SRRM1: variants seen among roughly 807,000 people sequenced by gnomAD.
The protein encoded by SRRM1 is serine and arginine repetitive matrix 1, also known as serine/arginine repetitive matrix protein 1.
SRRM1 carries 19 observed loss-of-function variants against 110.2 expected under a neutral mutation model. That is an observed-to-expected ratio of 0.17 (90% CI 0.12 to 0.25). The LOEUF (loss-of-function observed/expected upper bound fraction) is 0.25. Among genes scored for constraint, SRRM1 ranks in the 10% least tolerant of loss-of-function variants. The probability of loss-of-function intolerance (pLI) is 1.00; values close to 1 mark genes in which losing one functional copy is unlikely to be tolerated. For synonymous variants in SRRM1, 443 were observed against 414.9 expected (o/e 1.07, Z -0.82); for missense variants, 918 against 1,145.8 (o/e 0.80, Z 2.87).
In SRRM1 at chr1:24,670,167, G is replaced by C. The variant is rs201082864; in HGVS notation, c.2252G>C (p.Arg751Pro). ...TCTGTAAGAAGGGTCTCATCCTCCC[G>C]ATCTGTCTCCGGGTCTCCTGAGCCA... ...PQSVRRVSSS[R>P]SVSGSPEPAA... Residue 751 changes from arginine (R) to proline (P), a missense_variant, in exon 15 of 17, where the codon CGA becomes CCA. Physicochemically the swap from Arg to Pro is moderately radical, Grantham distance 103. Transcript: ENST00000323848. 2.9e-5 allele frequency: 47 copies of C among 1,612,764 alleles called. No individual in the cohort carries two copies. The South Asian group carries it at 3.3e-4, about 11-fold the overall frequency.
At chr1:24,651,276 G>A (rs1660508051) in intron 5 of SRRM1, 133 bp from the exon 6 acceptor site, 2 of 707,828 alleles carry the variant, frequency 2.8e-6, no homozygotes, top group Non-Finnish European at 4.7e-6. Flanking sequence ...AGGTTAGCAT[G>A]TCTTATTTCC....
At chr1:24,657,088 C>A (rs1490328503) in intron 9 of SRRM1, among the ~76,000 whole-genome samples, 5 of 152,128 alleles carry the variant, frequency 3.3e-5, no homozygotes, top group African/African-American at 4.8e-5. Flanking sequence ...TCCCCACCAC[C>A]CCGCTAAATA....
rs1659718370 is a variant in SRRM1, at chr1:24,650,027, A to G, written c.462A>G (p.Arg154=). ...AGCAAGATGAAGACAAAGATAAAAG[A>G]GATAAGGAAGAAAAAGAAAGCAGCA... ...MKKQDEDKDK[R]DKEEKESSRE... The change falls in exon 5 of 17, where the codon AGA becomes AGG. Residue 154 remains arginine (R), a synonymous_variant. Coordinates refer to ENST00000323848, the MANE Select transcript of SRRM1 (RefSeq NM_005839.4). 2 of 1,598,966 alleles carry G rather than the reference A, an allele frequency of 1.3e-6. No individual in the cohort carries two copies. The highest frequency in any genetic ancestry group is 2.2e-5 in the East Asian group (1 of 44,662).
chr1:24,660,675 C>G lies in SRRM1; in HGVS notation c.1316-44C>G, dbSNP rs771356367. 3 of 1,122,374 alleles carry G rather than the reference C, an allele frequency of 2.7e-6. No individual in the cohort carries two copies. The Admixed American group carries it at 7.4e-5, about 28-fold the overall frequency. 69.5% of individuals were successfully genotyped at this position (1,122,374 alleles called of 1,614,324 possible). ...TAAAAGAAAAGCATCTTGTATAGAC[C>G]TTTTTTTGTACGTAAGCTTTTTTCC... On this transcript the variant is annotated intron_variant, in intron 9 of 16. Transcript: ENST00000323848.
Position 24,652,895 on chromosome 1 carries a change from T to C in SRRM1, c.921-18T>C. The C allele has an allele frequency of 6.2e-7, 1 of 1,611,456 alleles. No homozygotes were observed. The highest frequency in any genetic ancestry group is 8.5e-7 in the Non-Finnish European group (1 of 1,179,008). ...CACTCCTGGTTTATTCAGGACCTAA[T>C]TCTCTTTGTTATGGCAGATCGTATT... On this transcript the variant is annotated intron_variant, in intron 7 of 16. Transcript: ENST00000323848.
intron 9 of SRRM1, among the ~76,000 whole-genome samples, chr1:24,657,289 G>C (rs1664669710): frequency 6.6e-6 from 1 of 152,168 alleles, no homozygotes; most frequent in Non-Finnish European, 1.5e-5. Flanking sequence ...TTGTCATCAA[G>C]AAACAGATTT....
intron 6 of SRRM1, among the ~76,000 whole-genome samples, chr1:24,652,062 A>ATATATATATATG (rs1661229576): frequency 7.5e-6 from 1 of 132,452 alleles, no homozygotes; most frequent in Non-Finnish European, 1.6e-5. Context: ...ATATATATAT[A>ATATATATATATG]TGTACACACA....
At position 24,671,536 on chromosome 1, in the gene SRRM1, G is replaced by A; in HGVS notation, c.2551G>A (p.Ala851Thr). 1 of 1,608,690 alleles carries A rather than the reference G, an allele frequency of 6.2e-7. No homozygotes were observed. Among genetic ancestry groups the A allele is most frequent in the Non-Finnish European group, 8.5e-7 (1 of 1,178,648 alleles). Residue 851 changes from alanine to threonine, a missense_variant, in exon 16 of 17, where the codon GCA becomes ACA. By Grantham distance (58) the Ala-to-Thr change is moderately conservative. Around this residue, in one of 5 missense-constraint regions of SRRM1, gnomAD observed 62 missense variants for 127.6 expected, o/e 0.49. Coordinates refer to ENST00000323848, the MANE Select transcript of SRRM1 (RefSeq NM_005839.4). ...AAAAVTPAAI[A>T]AATTTLAQEE... ...AGCTGCTGTGACCCCTGCAGCCATT[G>A]CAGCTGCCACAACCACATTAGCACA...
chr1:24,654,786 A>G (rs571983781), intron 8 of SRRM1, 69 bp from the exon 9 acceptor site: 46 of 1,570,004 alleles, frequency 2.9e-5, no homozygotes. Context: ...TTTTGTGTAA[A>G]CTGTTCATAC....
intron 5 of SRRM1, among the ~76,000 whole-genome samples, chr1:24,650,943 G>A (rs1030646018): frequency 6.6e-6 from 1 of 152,206 alleles, no homozygotes; most frequent in East Asian, 1.9e-4. Flanking sequence ...GATGTTTGAT[G>A]TATATTTCTC....
intron 13 of SRRM1, among the ~76,000 whole-genome samples, chr1:24,668,523 C>T (rs918308676): frequency 6.6e-6 from 1 of 152,152 alleles, no homozygotes; most frequent in African/African-American, 2.4e-5. Flanking sequence ...TAAAAGTCTG[C>T]AATATCCAAG....
At chr1:24,644,369 GTA>G (rs1455521239) in intron 1 of SRRM1, among the ~76,000 whole-genome samples, 3 of 152,290 alleles carry the variant, frequency 2.0e-5, no homozygotes, top group Non-Finnish European at 4.4e-5. Flanking sequence ...GAATGAAGTC[GTA>G]TAGAAACTAG....
intron 8 of SRRM1, among the ~76,000 whole-genome samples, chr1:24,653,582 A>G (rs917941959): frequency 9.2e-5 from 14 of 152,166 alleles, no homozygotes; most frequent in African/African-American, 3.1e-4. Context: ...TATAATTGCT[A>G]TTACTAGTTT....
chr1:24,648,327 A>G (rs1658653028), intron 3 of SRRM1: 1 of 152,296 alleles, frequency 6.6e-6, no homozygotes, highest in Admixed American at 6.5e-5. Context: ...GATTTTCCTT[A>G]TATAAAACTC....
intron 8 of SRRM1, among the ~76,000 whole-genome samples, chr1:24,653,363 T>C (rs886620179): frequency 2.0e-5 from 3 of 152,194 alleles, no homozygotes; most frequent in Non-Finnish European, 4.4e-5. Context: ...GAAAAGTAGC[T>C]GATTATAGGG....
intron 6 of SRRM1, 115 bp from the exon 7 acceptor site, chr1:24,652,319 A>T (rs1661440163): frequency 1.4e-6 from 1 of 707,530 alleles, no homozygotes; most frequent in Admixed American, 3.4e-5. Flanking sequence ...GGAGATAGAG[A>T]CAAGTCTGTG....
intron 12 of SRRM1, among the ~76,000 whole-genome samples, chr1:24,664,192 C>T (rs1335839144): frequency 6.6e-6 from 1 of 151,932 alleles, no homozygotes; most frequent in African/African-American, 2.4e-5. Flanking sequence ...GAAGGGATTT[C>T]GCCATGTTGG....
At chr1:24,651,370 T>A (rs780203696) in intron 5 of SRRM1, 39 bp from the exon 6 acceptor site, 82 of 1,543,344 alleles carry the variant, frequency 5.3e-5, no homozygotes, top group Non-Finnish European at 3.6e-6. Context: ...TTCCAATCCA[T>A]GTTATTTAAA....
rs762992428 is a variant in SRRM1, at chr1:24,671,612, T to C, written c.2610+17T>C. 6.4e-7 allele frequency: 1 copy of C among 1,559,404 alleles called. No homozygotes were observed. The highest frequency in any genetic ancestry group is 8.6e-7 in the Non-Finnish European group (1 of 1,156,322). ...CCGAAGAAGGTATTTATGAACTCTG[T>C]ATATGGCTGTCTTGCAGTTTACGTA... On this transcript the variant is annotated intron_variant, in intron 16 of 16. Coordinates refer to ENST00000323848, the MANE Select transcript of SRRM1 (RefSeq NM_005839.4).
Sources: gnomAD v4.1 joint callset for allele counts (sites outside exome capture counted in the v4.1 genomes callset) on GRCh38, gnomAD v4.1.1 for gene constraint, gnomAD v4.1.1 regional missense constraint, MANE v1.5 for transcripts, NCBI Gene and HGNC (gene_info 2026-07-23, HGNC 2026-07-21) for gene names.